Variants in PUDP observed in about 807,000 individuals in gnomAD.
PUDP encodes pseudouridine-5'-phosphatase.
Under a neutral mutation model 9.4 loss-of-function variants are expected in PUDP, and 8 were observed. That is an observed-to-expected ratio of 0.85 (90% CI 0.50 to 1.53). PUDP has a LOEUF of 1.53. Among genes scored for constraint, PUDP ranks in the 40% most tolerant of loss-of-function variants. The pLI is 0.00. For synonymous variants in PUDP, 99 were observed against 80.7 expected (o/e 1.23, Z -1.22); for missense variants, 188 against 189.7 (o/e 0.99, Z 0.05).
chrX:6,757,217 C>T (rs764287860), intron 3 of PUDP, among the ~76,000 whole-genome samples: 35 of 111,689 alleles, frequency 3.1e-4, no homozygotes, highest in Non-Finnish European at 4.7e-4. Flanking sequence ...TCCCTGACCC[C>T]TACAAACACT....
intron 1 of PUDP, among the ~76,000 whole-genome samples, chrX:7,013,208 G>A (rs1336797931): frequency 8.9e-6 from 1 of 111,858 alleles, no homozygotes; most frequent in Non-Finnish European, 1.9e-5. Flanking sequence ...TTTTTTCGGT[G>A]AGACTTGGCA....
At chrX:6,861,819 T>G (rs930718968) in intron 3 of PUDP, among the ~76,000 whole-genome samples, 5 of 111,376 alleles carry the variant, frequency 4.5e-5, no homozygotes, top group African/African-American at 1.6e-4. Flanking sequence ...AAGGAAGGTA[T>G]GGTCTTGGAA....
chrX:7,079,803 C>T (rs1026516971), intron 2 of PUDP, among the ~76,000 whole-genome samples: 2 of 111,739 alleles, frequency 1.8e-5, no homozygotes, highest in Non-Finnish European at 1.9e-5. Flanking sequence ...AACATTGCTT[C>T]GATGAAAACT....
At chrX:6,714,953 A>T (rs1350575839) in intron 1 of PUDP, among the ~76,000 whole-genome samples, 1 of 107,230 alleles carries the variant, frequency 9.3e-6, no homozygotes, top group African/African-American at 3.6e-5. Context: ...CAGGAGATAG[A>T]TATAGATATG....
chrX:7,032,881 GTTAATA>G (rs1929809675), intron 1 of PUDP, among the ~76,000 whole-genome samples: 1 of 112,014 alleles, frequency 8.9e-6, no homozygotes, highest in Admixed American at 9.5e-5. Context: ...TATTGTGATG[GTTAATA>G]TTGAGTGTCA....
intron 3 of PUDP, among the ~76,000 whole-genome samples, chrX:7,068,745 T>C (rs1439271399): frequency 4.5e-5 from 5 of 111,741 alleles, no homozygotes; most frequent in East Asian, 2.8e-4. Context: ...AAATGGAGTG[T>C]TGGCCGTGTT....
At chrX:6,989,225 G>A (rs143997574) in intron 1 of PUDP, 1,654 of 111,892 alleles carry the variant, frequency 0.015, 14 homozygotes, top group Non-Finnish European at 0.024. Flanking sequence ...ACTAACCACT[G>A]AGATAAGAAC....
downstream of PUDP, among the ~76,000 whole-genome samples, chrX:7,045,214 T>A (rs1376253586): frequency 8.9e-6 from 1 of 112,710 alleles, no homozygotes; most frequent in Non-Finnish European, 1.9e-5. Context: ...AGGTACTTGC[T>A]TCTCCTTCCA....
chrX:6,742,055 T>C (rs1010681432), intron 3 of PUDP, among the ~76,000 whole-genome samples: 1 of 111,030 alleles, frequency 9.0e-6, no homozygotes, highest in African/African-American at 3.3e-5. Flanking sequence ...GGTTTCACCA[T>C]ACTGGCCAGG....
At chrX:6,913,812 T>G (rs1050308203) in intron 3 of PUDP, among the ~76,000 whole-genome samples, 13 of 111,309 alleles carry the variant, frequency 1.2e-4, no homozygotes, top group Non-Finnish European at 2.1e-4. Context: ...ACATTCCTAG[T>G]GTTGTTAGTT....
chrX:6,901,364 A>G (rs910703623), intron 3 of PUDP, among the ~76,000 whole-genome samples: 48 of 112,434 alleles, frequency 4.3e-4, no homozygotes, highest in African/African-American at 1.5e-3. Flanking sequence ...CAAAAGAGCA[A>G]CGAAACATCT....
In PUDP at chrX:7,105,809, G is replaced by C; in HGVS notation, c.91C>G (p.Gln31Glu). 1 of 1,204,200 alleles carries C rather than the reference G, an allele frequency of 8.3e-7. No homozygotes were observed. The part of the protein sequence containing the change: ...DTERLYSVVF[Q>E]EICNRYDKKY... Reference sequence around the variant, plus strand: ...TTGTCATAGCGATTACATATTTCTTGAAACACCACTGAATACAGCCGTTCA... The same window carrying C: ...TTGTCATAGCGATTACATATTTCTTCAAACACCACTGAATACAGCCGTTCA... Residue 31 changes from glutamine to glutamate, a missense_variant, in exon 2 of 4, where the codon CAA becomes GAA. Gln to Glu is a conservative substitution (Grantham distance 29). Coordinates refer to ENST00000381077, the MANE Select transcript of PUDP (RefSeq NM_012080.5).
intron 2 of PUDP, among the ~76,000 whole-genome samples, chrX:7,103,398 G>A (rs1265413877): frequency 1.8e-5 from 2 of 112,035 alleles, no homozygotes; most frequent in African/African-American, 6.5e-5. Flanking sequence ...CCATACACAA[G>A]AATTAACTCA....
chrX:6,788,979 G>C (rs1925692887), intron 3 of PUDP, among the ~76,000 whole-genome samples: 1 of 111,681 alleles, frequency 9.0e-6, no homozygotes, highest in Non-Finnish European at 1.9e-5. Flanking sequence ...TGCAGAGAAG[G>C]TGGATTTGTC....
intron 2 of PUDP, among the ~76,000 whole-genome samples, chrX:7,098,859 C>CA (rs1569159429): frequency 9.4e-6 from 1 of 106,544 alleles, no homozygotes; most frequent in African/African-American, 3.4e-5. Context: ...AGGGGAGAGC[C>CA]GGCCAAGAGA....
chrX:7,054,670 A>G (rs1473863909), intron 3 of PUDP, among the ~76,000 whole-genome samples: 2 of 111,663 alleles, frequency 1.8e-5, no homozygotes, highest in Non-Finnish European at 3.8e-5. Flanking sequence ...CAGCAATGGG[A>G]TACATGACAC....
chrX:6,874,839 A>G (rs1464171497), intron 3 of PUDP, among the ~76,000 whole-genome samples: 2 of 112,006 alleles, frequency 1.8e-5, no homozygotes, highest in Non-Finnish European at 3.8e-5. Flanking sequence ...TCTCTGAGAA[A>G]TGATGCTCAT....
At chrX:7,015,734 C>T (rs1313130782) in intron 1 of PUDP, among the ~76,000 whole-genome samples, 2 of 110,349 alleles carry the variant, frequency 1.8e-5, no homozygotes, top group Non-Finnish European at 3.8e-5. Flanking sequence ...TGCCAACATA[C>T]CAGACTAATT....
chrX:6,725,853 T>C (rs1415423204), upstream of PUDP, among the ~76,000 whole-genome samples: 1 of 111,892 alleles, frequency 8.9e-6, no homozygotes, highest in East Asian at 2.8e-4. Flanking sequence ...GAAAACAGTA[T>C]GGAGAGTTCC....
Sources: gnomAD v4.1 joint callset for allele counts (sites outside exome capture counted in the v4.1 genomes callset) on GRCh38, gnomAD v4.1.1 for gene constraint, MANE v1.5 for transcripts, NCBI Gene and HGNC (gene_info 2026-07-23, HGNC 2026-07-21) for gene names.